Variants in TRAF5 observed in about 807,000 individuals in gnomAD.
TRAF5 encodes TNF receptor-associated factor 5.
Under a neutral mutation model 64.5 loss-of-function variants are expected in TRAF5, and 48 were observed. That is an observed-to-expected ratio of 0.74 (90% CI 0.59 to 0.95). The LOEUF is 0.95. TRAF5 is among the 40% of genes least tolerant of loss of function. TRAF5 has a pLI of 0.00. For missense variants in TRAF5, 545 were observed against 662.8 expected, an observed-to-expected ratio of 0.82 and a Z score of 1.95; for synonymous variants, 206 against 240.5, an observed-to-expected ratio of 0.86 and a Z score of 1.33.
chr1:211,356,744 G>C (rs1702982109), intron 4 of TRAF5: 1 of 315,946 alleles, frequency 3.2e-6, no homozygotes, highest in Non-Finnish European at 5.9e-6. Context: ...CCAAAAGAGA[G>C]GGCGTGGGAC....
chr1:211,332,911 A>G (rs1702193034), intron 1 of TRAF5, among the ~76,000 whole-genome samples: 1 of 152,236 alleles, frequency 6.6e-6, no homozygotes, highest in Non-Finnish European at 1.5e-5. Context: ...TATCTGTATC[A>G]TTCCCACAGA....
intron 1 of TRAF5, among the ~76,000 whole-genome samples, chr1:211,351,922 C>T (rs1194924417): frequency 6.6e-6 from 1 of 152,162 alleles, no homozygotes; most frequent in African/African-American, 2.4e-5. Flanking sequence ...TGTTCTTCTC[C>T]TTCAATATTG....
At chr1:211,340,225 A>G (rs970755166) in intron 1 of TRAF5, among the ~76,000 whole-genome samples, 1 of 152,098 alleles carries the variant, frequency 6.6e-6, no homozygotes, top group Non-Finnish European at 1.5e-5. Context: ...CTGTGCATCC[A>G]AGCTCGAGGG....
chr1:211,356,096 TGGGGTC>T lies in TRAF5; in HGVS notation c.277-270_277-265del, dbSNP rs530789155. On this transcript the variant is annotated intron_variant, in intron 3 of 10. Coordinates refer to ENST00000261464, the MANE Select transcript of TRAF5 (RefSeq NM_001033910.3). ...CTTCACCTCCTGACCTTTAAGAATG[TGGGGTC>T]AGGTTCACCATGAGTTTCACCTAGT... 2.4e-4 allele frequency among the ~76,000 whole-genome samples: 37 copies of T among 152,290 alleles called. 1 individual carries two copies. Among genetic ancestry groups the T allele is most frequent in the African/African-American group, 8.7e-4 (36 of 41,554 alleles).
intron 8 of TRAF5, among the ~76,000 whole-genome samples, chr1:211,366,016 T>C (rs577399842): frequency 1.1e-3 from 173 of 152,334 alleles, no homozygotes; most frequent in African/African-American, 4.0e-3. Flanking sequence ...GTTGTGATTA[T>C]CAAGGGAAAT....
At chr1:211,336,855 C>T (rs530681014) in intron 1 of TRAF5, among the ~76,000 whole-genome samples, 3 of 152,348 alleles carry the variant, frequency 2.0e-5, no homozygotes, top group South Asian at 2.1e-4. Context: ...AGACGGGTTT[C>T]ACCATGTCGG....
chr1:211,340,516 A>G (rs1313290466), intron 1 of TRAF5, among the ~76,000 whole-genome samples: 1 of 152,186 alleles, frequency 6.6e-6, no homozygotes, highest in Non-Finnish European at 1.5e-5. Context: ...TCCTGACCTC[A>G]GGTGATCCAC....
At chr1:211,351,314 C>T (rs1702781186) in intron 1 of TRAF5, among the ~76,000 whole-genome samples, 1 of 152,146 alleles carries the variant, frequency 6.6e-6, no homozygotes, top group Non-Finnish European at 1.5e-5. Flanking sequence ...GCATGAGCCA[C>T]TGCGTCCAGC....
chr1:211,330,947 A>G (rs921755970), intron 1 of TRAF5, among the ~76,000 whole-genome samples: 7 of 152,148 alleles, frequency 4.6e-5, no homozygotes, highest in African/African-American at 1.7e-4. Context: ...TCAAATTTCC[A>G]TCCCTCACCC....
Position 211,371,344 on chromosome 1 carries a change from CAA to C in TRAF5, c.974_975del (p.Gln325ArgfsTer9), listed in dbSNP as rs748270221. ...HIDKSAWLEA[Q>X]VHQLLQMVNQ... ...TGACAAGTCAGCTTGGCTAGAAGCT[CAA>C]GTGCATCAATTATTACAAATGGTTA... On this transcript the variant is annotated frameshift_variant, in exon 10 of 11. Coordinates refer to ENST00000261464, the MANE Select transcript of TRAF5 (RefSeq NM_001033910.3). LOFTEE classifies it high-confidence loss of function. 1 of 1,608,738 alleles carries C rather than the reference CAA, an allele frequency of 6.2e-7. No individual in the cohort carries two copies. The highest frequency in any genetic ancestry group is 1.7e-5 in the Admixed American group (1 of 58,100).
intron 1 of TRAF5, among the ~76,000 whole-genome samples, chr1:211,350,127 CT>C (rs1478082768): frequency 6.7e-6 from 1 of 149,336 alleles, no homozygotes; most frequent in Admixed American, 6.7e-5. Context: ...GTATCTTATA[CT>C]GCTTACCTAC....
rs1703555647 is a variant in TRAF5 at position 211,372,201 on chromosome 1, AG to A, written c.1174del (p.Glu392SerfsTer19). 1 of 1,613,960 alleles carries A rather than the reference AG, an allele frequency of 6.2e-7. No homozygotes were observed. The highest frequency in any genetic ancestry group is 1.3e-5 in the African/African-American group (1 of 74,902). ...ATAAAGCACAGCTGAGTAAAAATGAAGAGCGATTTAAACTGCTGGAGGGTAC... is the reference window on the plus strand; with the variant it reads ...ATAAAGCACAGCTGAGTAAAAATGAAAGCGATTTAAACTGCTGGAGGGTAC... ...IHKAQLSKNE[E>X]RFKLLEGTCY... On this transcript the variant is annotated frameshift_variant, in exon 11 of 11. Coordinates refer to ENST00000261464, the MANE Select transcript of TRAF5 (RefSeq NM_001033910.3). LOFTEE classifies it high-confidence loss of function.
intron 1 of TRAF5, among the ~76,000 whole-genome samples, chr1:211,342,746 A>G (rs1003476787): frequency 2.0e-5 from 3 of 152,210 alleles, no homozygotes; most frequent in Non-Finnish European, 4.4e-5. Flanking sequence ...AAACAAGAAC[A>G]TGTGAAGCTT....
intron 8 of TRAF5, 87 bp downstream of exon 8, chr1:211,365,555 C>G (rs1190711493): frequency 9.3e-7 from 1 of 1,080,640 alleles, no homozygotes; most frequent in Non-Finnish European, 1.3e-6. Context: ...CTATTCTCCC[C>G]TGTTTCAGTA....
rs115393564 is a variant in TRAF5, at chr1:211,327,656, A to T, written c.-2+767A>T. On this transcript the variant is annotated intron_variant, in intron 1 of 10. Coordinates refer to ENST00000261464, the MANE Select transcript of TRAF5 (RefSeq NM_001033910.3). ...GGGCCACGCTCTTGCTGCGGGTCCC[A>T]CTGGGCCACTCTGGCTGGCCGACTT... 9.0e-3 allele frequency among the ~76,000 whole-genome samples: 1,372 copies of T among 152,288 alleles called. 16 individuals carry two copies. Among genetic ancestry groups the T allele is most frequent in the African/African-American group, 0.031 (1,304 of 41,558 alleles).
intron 1 of TRAF5, among the ~76,000 whole-genome samples, chr1:211,330,477 G>A (rs1204801818): frequency 6.6e-6 from 1 of 151,690 alleles, no homozygotes; most frequent in Non-Finnish European, 1.5e-5. Flanking sequence ...CTCTGAGGCA[G>A]GTTCCCTCCC....
chr1:211,372,364 G>A lies in TRAF5; in HGVS notation c.1336G>A (p.Ala446Thr). Residue 446 changes from alanine (A) to threonine (T), a missense_variant, in exon 11 of 11, where the codon GCA (alanine) becomes ACA (threonine). By Grantham distance (58) the Ala-to-Thr change is moderately conservative. Transcript: ENST00000261464. Reference sequence around the variant, plus strand: ...CTGTGGCTACCGGCTCTGTGCTAGAGCATACCTGAATGGGGATGGGTCAGG... The same window carrying A: ...CTGTGGCTACCGGCTCTGTGCTAGAACATACCTGAATGGGGATGGGTCAGG... ...SRCGYRLCAR[A>T]YLNGDGSGRG... 1 of 1,614,136 alleles carries A rather than the reference G, an allele frequency of 6.2e-7. No homozygotes were observed. Among genetic ancestry groups the A allele is most frequent in the Middle Eastern group, 1.6e-4 (1 of 6,062 alleles).
Position 211,371,389 on chromosome 1 carries a change from T to A in TRAF5, c.1018T>A (p.Phe340Ile). Residue 340 changes from phenylalanine (F) to isoleucine (I), a missense_variant, in exon 10 of 11, where the codon TTT becomes ATT. Physicochemically the swap from Phe to Ile is conservative, Grantham distance 21. Transcript: ENST00000261464. ...AATGGTTAACCAGCAACAAAATAAA[T>A]TTGACCTGAGACCTTTGATGGAAGC... ...LQMVNQQQNK[F>I]DLRPLMEAVD... 1 of 1,612,014 alleles carries A rather than the reference T, an allele frequency of 6.2e-7. No homozygotes were observed. The highest frequency in any genetic ancestry group is 2.2e-5 in the East Asian group (1 of 44,772).
At chr1:211,350,113 A>G (rs1222567964) in intron 1 of TRAF5, among the ~76,000 whole-genome samples, 1 of 85,848 alleles carries the variant, frequency 1.2e-5, no homozygotes, top group Non-Finnish European at 3.5e-5. Context: ...AGGAGGGAAC[A>G]TTTGTATCTT....
Sources: gnomAD v4.1 joint callset for allele counts (sites outside exome capture counted in the v4.1 genomes callset) on GRCh38, gnomAD v4.1.1 for gene constraint, MANE v1.5 for transcripts, NCBI Gene and HGNC (gene_info 2026-07-23, HGNC 2026-07-21) for gene names.